Variants in NUP50 observed in about 807,000 individuals in gnomAD.
NUP50 encodes nucleoporin 50.
NUP50 carries 14 observed loss-of-function variants against 36.8 expected under a neutral mutation model. The observed-to-expected ratio is 0.38, with a 90% CI of 0.25 to 0.59. The LOEUF (loss-of-function observed/expected upper bound fraction) is 0.59, where lower values mean the gene tolerates loss of function less well. Among genes scored for constraint, NUP50 ranks in the 20% least tolerant of loss-of-function variants. NUP50 has a pLI of 0.63. For synonymous variants in NUP50, 195 were observed against 210.8 expected (o/e 0.93, Z 0.65); for missense variants, 455 against 564.6 (o/e 0.81, Z 1.97).
chr22:45,187,964 G>A lies in NUP50; in HGVS notation c.*3309G>A, dbSNP rs2083467504. 6.6e-6 allele frequency: 1 copy of A among 152,630 alleles called. No homozygotes were observed. The highest frequency in any genetic ancestry group is 2.4e-5 in the African/African-American group (1 of 41,442). The allele number at this position is 152,630 out of a possible 1,614,324, so 9.5% of individuals were successfully genotyped here. A position where few individuals can be genotyped will look rare whatever the true frequency, so the allele number is the denominator to read the frequency against. On this transcript the variant is annotated 3_prime_UTR_variant, in exon 8 of 8. Coordinates refer to ENST00000347635, the MANE Select transcript of NUP50 (RefSeq NM_007172.4). ...ATTAGTTTTTGAATGCTCCCATCGAGGAAGTGTAACAATCCATGAAATGTG... is the reference window on the plus strand; with the variant it reads ...ATTAGTTTTTGAATGCTCCCATCGAAGAAGTGTAACAATCCATGAAATGTG...
In NUP50 at chr22:45,185,701, CTTTTT is replaced by C. The variant is rs1166230717; in HGVS notation, c.*1048_*1052del. The C allele has an allele frequency of 6.6e-6, 1 of 151,594 alleles. No individual in the cohort carries two copies. Among genetic ancestry groups the C allele is most frequent in the East Asian group, 1.9e-4 (1 of 5,186 alleles). 9.4% of individuals were successfully genotyped at this position (151,594 alleles called of 1,614,324 possible). On this transcript the variant is annotated 3_prime_UTR_variant, in exon 8 of 8. Coordinates refer to ENST00000347635, the MANE Select transcript of NUP50 (RefSeq NM_007172.4). ...ACATTTGATATCTGAAATATCTTTA[CTTTTT>C]TAAGAGTAAGATTCCATATGTCTGT...
At position 45,181,321 on chromosome 22, in the gene NUP50, G is replaced by A. The variant is rs1209878930; in HGVS notation, c.1039G>A (p.Val347Ile). The stretch of plus-strand genomic sequence containing the variant: ...AGAAGAGAATGATGAGCCACCCAAA[G>A]TAGTAGTTACCGAAGTAAAAGAAGA... ...DEEENDEPPK[V>I]VVTEVKEEDA... The change falls in exon 6 of 8, where the codon GTA becomes ATA. Residue 347 changes from valine (V) to isoleucine (I), a missense_variant. By Grantham distance (29) the Val-to-Ile change is conservative. Coordinates refer to ENST00000347635, the MANE Select transcript of NUP50 (RefSeq NM_007172.4). The A allele has an allele frequency of 1.3e-6, 2 of 1,594,526 alleles. No individual in the cohort carries two copies. Among genetic ancestry groups the A allele is most frequent in the Non-Finnish European group, 1.7e-6 (2 of 1,175,126 alleles).
intron 4 of NUP50, among the ~76,000 whole-genome samples, chr22:45,176,777 T>C (rs2074283064): frequency 6.6e-6 from 1 of 152,194 alleles, no homozygotes; most frequent in Non-Finnish European, 1.5e-5. Flanking sequence ...GGAGTCTTGC[T>C]CTGTCACCAG....
At chr22:45,170,059 G>A (rs570841811) in intron 2 of NUP50, among the ~76,000 whole-genome samples, 4 of 152,164 alleles carry the variant, frequency 2.6e-5, no homozygotes, top group African/African-American at 9.7e-5. Context: ...AAATGCTGAC[G>A]TACGCCGCCT....
chr22:45,175,423 A>G (rs754817621), intron 3 of NUP50, among the ~76,000 whole-genome samples: 18 of 152,232 alleles, frequency 1.2e-4, no homozygotes, highest in Non-Finnish European at 2.2e-4. Context: ...AGCAGTTGCA[A>G]GCCACAGATG....
chr22:45,167,588 T>C (rs2074115128), intron 1 of NUP50, among the ~76,000 whole-genome samples: 1 of 152,312 alleles, frequency 6.6e-6, no homozygotes, highest in South Asian at 2.1e-4. Context: ...CTAATTGTCT[T>C]GGCAATATAC....
intron 5 of NUP50, among the ~76,000 whole-genome samples, chr22:45,179,896 T>G (rs1432622570): frequency 6.6e-6 from 1 of 152,170 alleles, no homozygotes; most frequent in Non-Finnish European, 1.5e-5. Context: ...AGAAAAAGTG[T>G]ACTTCTCAGA....
intron 3 of NUP50, among the ~76,000 whole-genome samples, chr22:45,173,770 A>G (rs2074234564): frequency 6.6e-6 from 1 of 152,210 alleles, no homozygotes; most frequent in Non-Finnish European, 1.5e-5. Flanking sequence ...AGGTAGAAAT[A>G]GTACAGACCA....
intron 1 of NUP50, among the ~76,000 whole-genome samples, chr22:45,167,402 G>A (rs923347756): frequency 1.3e-5 from 2 of 152,266 alleles, no homozygotes; most frequent in Middle Eastern, 3.4e-3. Flanking sequence ...TTTAAGGGAT[G>A]GACAGGAGCA....
intron 3 of NUP50, among the ~76,000 whole-genome samples, chr22:45,174,905 A>T (rs1027399089): frequency 1.3e-5 from 2 of 152,182 alleles, no homozygotes; most frequent in African/African-American, 4.8e-5. Flanking sequence ...TTTTGGAAAA[A>T]CATGCAGTAA....
Position 45,187,281 on chromosome 22 carries a change from T to C in NUP50, c.*2626T>C, listed in dbSNP as rs967786830. The C allele has an allele frequency of 2.9e-4, 44 of 151,666 alleles. No homozygotes were observed. The highest frequency in any genetic ancestry group is 9.7e-4 in the African/African-American group (40 of 41,186). The allele number at this position is 151,666 out of a possible 1,614,324, so 9.4% of individuals were successfully genotyped here. A position where few individuals can be genotyped will look rare whatever the true frequency, so the allele number is the denominator to read the frequency against. On this transcript the variant is annotated 3_prime_UTR_variant, in exon 8 of 8. Transcript: ENST00000347635. ...ATTCGAATTACAGACTGAAAAAATA[T>C]GGCCAGTTTTTAAAGAAGTTTAGAT...
intron 1 of NUP50, chr22:45,165,732 A>G (rs1357195617): frequency 6.6e-6 from 1 of 152,218 alleles, no homozygotes; most frequent in Non-Finnish European, 1.5e-5. Flanking sequence ...TGGAGGGAAA[A>G]TGATAGTTTA....
chr22:45,185,335 A>G lies in NUP50; in HGVS notation c.*680A>G, dbSNP rs967572990. 3.9e-5 allele frequency: 6 copies of G among 152,998 alleles called. No individual in the cohort carries two copies. The allele number at this position is 152,998 out of a possible 1,614,324, so 9.5% of individuals were successfully genotyped here. A position where few individuals can be genotyped will look rare whatever the true frequency, so the allele number is the denominator to read the frequency against. On this transcript the variant is annotated 3_prime_UTR_variant, in exon 8 of 8. Transcript: ENST00000347635. ...TTTTTTGGCTTCATAGTTTCTATTCATGAGGTAGTGTTACTTCTTTATCCC... is the reference window on the plus strand; with the variant it reads ...TTTTTTGGCTTCATAGTTTCTATTCGTGAGGTAGTGTTACTTCTTTATCCC...
At position 45,173,227 on chromosome 22, in the gene NUP50, TTTC is replaced by T. The variant is rs528859857; in HGVS notation, c.153+1547_153+1549del. ...AATTATATTTTGCTTAAAAATTGTA[TTTC>T]TTATTTGACAAAAATTATATACTTA... is the stretch of plus-strand genomic sequence containing the variant. On this transcript the variant is annotated intron_variant, in intron 3 of 7. Transcript: ENST00000347635. Among the ~76,000 whole-genome samples, 331 of 152,336 alleles carry T rather than the reference TTTC, an allele frequency of 2.2e-3. 1 individual carries two copies. The highest frequency in any genetic ancestry group is 7.6e-3 in the African/African-American group (315 of 41,578).
At chr22:45,178,926 C>A in intron 5 of NUP50, 26 bp downstream of exon 5, 4 of 1,575,970 alleles carry the variant, frequency 2.5e-6, no homozygotes, top group South Asian at 2.4e-5. Flanking sequence ...GTCGTTGAGT[C>A]GAGGTTTGCA....
chr22:45,181,294 G>A lies in NUP50; in HGVS notation c.1012G>A (p.Glu338Lys), dbSNP rs566752596. 2.6e-5 allele frequency: 42 copies of A among 1,591,226 alleles called. 1 individual carries two copies. In the South Asian group the frequency reaches 4.0e-4, roughly 15 times the overall value. The part of the protein sequence containing the change: ...GDSGECKGGD[E>K]EENDEPPKVV... Reference sequence around the variant, plus strand: ...TGTCATTTTTATAAAAGGTGGAGATGAAGAAGAGAATGATGAGCCACCCAA... The same window carrying A: ...TGTCATTTTTATAAAAGGTGGAGATAAAGAAGAGAATGATGAGCCACCCAA... The change falls in exon 6 of 8, where the codon GAA becomes AAA. Residue 338 changes from glutamate to lysine, a missense_variant. Glu to Lys is a moderately conservative substitution (Grantham distance 56, BLOSUM62 1). Around this residue, in one of 3 missense-constraint regions of NUP50, gnomAD observed 287 missense variants for 345.5 expected, o/e 0.83. Coordinates refer to ENST00000347635, the MANE Select transcript of NUP50 (RefSeq NM_007172.4).
chr22:45,179,091 T>A, intron 5 of NUP50, 191 bp downstream of exon 5: 1 of 529,564 alleles, frequency 1.9e-6, no homozygotes, highest in African/African-American at 1.9e-5. Context: ...GTAAGACTTT[T>A]GTAGGGTTGT....
At chr22:45,168,098 G>A in intron 1 of NUP50, 70 bp from the exon 2 acceptor site, 2 of 1,197,202 alleles carry the variant, frequency 1.7e-6, no homozygotes, top group Non-Finnish European at 1.2e-6. Flanking sequence ...ATGCTAGAGT[G>A]AATTTTTAAA....
intron 5 of NUP50, among the ~76,000 whole-genome samples, chr22:45,179,585 C>T (rs1347006361): frequency 2.0e-5 from 3 of 152,184 alleles, no homozygotes; most frequent in Non-Finnish European, 4.4e-5. Context: ...ACACCTACTT[C>T]TAAGCAGTTG....
Sources: allele counts gnomAD v4.1 joint callset (sites outside exome capture counted in the v4.1 genomes callset), GRCh38; gene constraint gnomAD v4.1.1; regional missense constraint gnomAD v4.1.1; transcripts MANE v1.5; gene names NCBI Gene and HGNC (gene_info 2026-07-23, HGNC 2026-07-21).